The following HTD2 variants were observed in gnomAD, a reference collection of about 807,000 sequenced individuals.
HTD2 encodes the protein hydroxyacyl-thioester dehydratase type 2, mitochondrial.
HTD2 carries 1 observed loss-of-function variant against 3.1 expected under a neutral mutation model. The ratio of observed to expected loss-of-function variants is 0.32; its 90% CI spans 0.11 to 1.52. HTD2 has a LOEUF of 1.52. Among genes scored for constraint, HTD2 ranks in the 40% most tolerant of loss-of-function variants. HTD2 has a pLI of 0.39. For missense variants in HTD2, 150 were observed against 79.6 expected, an observed-to-expected ratio of 1.88 and a Z score of -3.36; for synonymous variants, 50 against 28.9, an observed-to-expected ratio of 1.73 and a Z score of -2.34.
chr3:58,316,669 G>T, intron 3 of HTD2, 78 bp downstream of exon 3: 1 of 1,321,000 alleles, frequency 7.6e-7, no homozygotes, highest in South Asian at 1.2e-5. Context: ...TTCTGAGAAT[G>T]AGAATAAATT....
At chr3:58,308,079 A>C (rs1181473803) in intron 1 of HTD2, 1 of 152,070 alleles carries the variant, frequency 6.6e-6, no homozygotes, top group Non-Finnish European at 1.5e-5. Context: ...AAAAACATTT[A>C]TGTGCCAAGC....
At chr3:58,312,109 C>T (rs2097482886) in intron 2 of HTD2, among the ~76,000 whole-genome samples, 1 of 152,176 alleles carries the variant, frequency 6.6e-6, no homozygotes, top group Non-Finnish European at 1.5e-5. Flanking sequence ...CTGCCTTGGC[C>T]TCCCAAAGCA....
chr3:58,308,850 C>T (rs1055631279), intron 1 of HTD2, among the ~76,000 whole-genome samples: 1 of 131,854 alleles, frequency 7.6e-6, no homozygotes, highest in African/African-American at 2.7e-5. Context: ...CAGAGAAGAC[C>T]TTCATGAAGA....
At chr3:58,315,384 G>T (rs1428314793) in intron 2 of HTD2, among the ~76,000 whole-genome samples, 1 of 152,008 alleles carries the variant, frequency 6.6e-6, no homozygotes, top group East Asian at 1.9e-4. Context: ...AGGAGTAGGG[G>T]AGGAGGGGTG....
intron 2 of HTD2, among the ~76,000 whole-genome samples, chr3:58,314,117 G>A (rs1417079251): frequency 2.6e-5 from 4 of 152,094 alleles, no homozygotes; most frequent in Non-Finnish European, 4.4e-5. Context: ...TTGGGAGGCC[G>A]AGGTGGGTTG....
At chr3:58,316,364 C>G (rs2097488281) in intron 2 of HTD2, 151 bp from the exon 3 acceptor site, 2 of 647,386 alleles carry the variant, frequency 3.1e-6, no homozygotes, top group Non-Finnish European at 5.5e-6. Context: ...GCAGGGGGAG[C>G]TGTAAGTAGG....
chr3:58,313,114 CCGGGCGCAGCGG>C (rs908004921), intron 2 of HTD2, among the ~76,000 whole-genome samples: 5 of 151,814 alleles, frequency 3.3e-5, no homozygotes, highest in Non-Finnish European at 5.9e-5. Context: ...ACACAAAAAG[CCGGGCGCAGCGG>C]CGGGCACCTG....
chr3:58,312,046 G>A (rs2097482795), intron 2 of HTD2, among the ~76,000 whole-genome samples: 1 of 150,780 alleles, frequency 6.6e-6, no homozygotes, highest in Non-Finnish European at 1.5e-5. Flanking sequence ...TTTTTTACTT[G>A]TAGAGGCAAG....
At chr3:58,315,643 G>A (rs1471801330) in intron 2 of HTD2, 1 of 152,226 alleles carries the variant, frequency 6.6e-6, no homozygotes, top group Non-Finnish European at 1.5e-5. Context: ...GCTGGATGAA[G>A]AGTGCATGAA....
rs1200283495 is a variant in HTD2 at position 58,318,983 on chromosome 3, ACTC to A, written c.*865_*867del. On this transcript the variant is annotated 3_prime_UTR_variant, in exon 5 of 5. Transcript: ENST00000461393. Reference sequence around the variant, plus strand: ...ACTTCAGCCTGGGTGACAGAGCAAAACTCCACCTCAAAAAAAAAAAAAAGATTC... The same window carrying A: ...ACTTCAGCCTGGGTGACAGAGCAAAACACCTCAAAAAAAAAAAAAAGATTC... The A allele has an allele frequency of 1.3e-5, 2 of 150,504 alleles. No individual in the cohort carries two copies. Among genetic ancestry groups the A allele is most frequent in the African/African-American group, 4.9e-5 (2 of 40,746 alleles). The allele number at this position is 150,504 out of a possible 1,614,324, so 9.3% of individuals were successfully genotyped here.
At chr3:58,307,499 C>T (rs1299437597) in intron 1 of HTD2, among the ~76,000 whole-genome samples, 1 of 152,104 alleles carries the variant, frequency 6.6e-6, no homozygotes, top group African/African-American at 2.4e-5. Flanking sequence ...CCGAGGTCGG[C>T]GGATCACTTG....
chr3:58,315,414 G>A (rs2097487225), intron 2 of HTD2, among the ~76,000 whole-genome samples: 2 of 152,156 alleles, frequency 1.3e-5, no homozygotes, highest in Admixed American at 1.3e-4. Flanking sequence ...GTAAAGGGTA[G>A]AATAAGGGAG....
At position 58,318,368 on chromosome 3, in the gene HTD2, A is replaced by T. The variant is rs1203724759; in HGVS notation, c.*248A>T. The T allele has an allele frequency of 2.9e-6, 1 of 348,790 alleles. No homozygotes were observed. Among genetic ancestry groups the T allele is most frequent in the South Asian group, 6.3e-5 (1 of 15,852 alleles). The allele number at this position is 348,790 out of a possible 1,614,324, so 21.6% of individuals were successfully genotyped here. On this transcript the variant is annotated 3_prime_UTR_variant, in exon 5 of 5. Transcript: ENST00000461393. ...TTGTTTGTTTTTTGTTTTTTAATTC[A>T]AGAAGTAGGCTGGGCCCGGTGGCTC...
At chr3:58,316,677 A>T (rs2292674) in intron 3 of HTD2, 86 bp downstream of exon 3, 448,381 of 1,242,636 alleles carry the variant, frequency 0.36, 88,257 homozygotes, top group East Asian at 0.79. Flanking sequence ...ATGAGAATAA[A>T]TTTTTTGTTG....
At chr3:58,310,456 T>G (rs761685135) in intron 1 of HTD2, 51 bp from the exon 2 acceptor site, 16 of 1,603,152 alleles carry the variant, frequency 1.0e-5, no homozygotes, top group Non-Finnish European at 1.3e-5. Context: ...CTAACATGAA[T>G]CTGAATAGAA....
chr3:58,313,882 T>C (rs1328640578), intron 2 of HTD2, among the ~76,000 whole-genome samples: 1 of 151,772 alleles, frequency 6.6e-6, no homozygotes. Context: ...GACTATAGTG[T>C]CTAGAATATA....
At position 58,310,347 on chromosome 3, in the gene HTD2, C is replaced by A. The variant is rs775031652; in HGVS notation, c.-415-160C>A. Reference sequence around the variant, plus strand: ...TGGAAAAGATGCCTGCCCCTGCTGCCACATATGAAAGAGTAGTTTACAAAA... The same window carrying A: ...TGGAAAAGATGCCTGCCCCTGCTGCAACATATGAAAGAGTAGTTTACAAAA... On this transcript the variant is annotated intron_variant, in intron 1 of 4. Transcript: ENST00000461393. 3.1e-6 allele frequency: 5 copies of A among 1,614,120 alleles called. No individual in the cohort carries two copies. The South Asian group carries it at 4.4e-5, about 14-fold the overall frequency.
rs2097492112 is a variant in HTD2, at chr3:58,319,433, A to G, written c.*1313A>G. 6.6e-6 allele frequency: 1 copy of G among 152,174 alleles called. No individual in the cohort carries two copies. Among genetic ancestry groups the G allele is most frequent in the African/African-American group, 2.4e-5 (1 of 41,444 alleles). 9.4% of individuals were successfully genotyped at this position (152,174 alleles called of 1,614,324 possible). ...GCAGTAGCTACTATTATTGTTGCCCATTTCCCCTGCAACTGAGGTGAGAGG... is the reference window on the plus strand; with the variant it reads ...GCAGTAGCTACTATTATTGTTGCCCGTTTCCCCTGCAACTGAGGTGAGAGG... On this transcript the variant is annotated 3_prime_UTR_variant, in exon 5 of 5. Coordinates refer to ENST00000461393, the MANE Select transcript of HTD2 (RefSeq NM_001348712.2).
chr3:58,315,608 A>G (rs2097487392), intron 2 of HTD2: 1 of 152,248 alleles, frequency 6.6e-6, no homozygotes, highest in Non-Finnish European at 1.5e-5. Context: ...TACTGTAGTT[A>G]CGCAAGACAT....
Sources: gnomAD v4.1 joint callset for allele counts (sites outside exome capture counted in the v4.1 genomes callset) on GRCh38, gnomAD v4.1.1 for gene constraint, MANE v1.5 for transcripts, NCBI Gene and HGNC (gene_info 2026-07-23, HGNC 2026-07-21) for gene names.